The following GALNT17 variants were observed in gnomAD, a reference collection of about 807,000 sequenced individuals.
GALNT17 encodes polypeptide N-acetylgalactosaminyltransferase 17, also known as UDP-GalNAc:polypeptide N-acetylgalactosaminyltransferase-like 3.
A neutral mutation model predicts 63.7 loss-of-function variants in GALNT17; 29 were observed. The observed-to-expected ratio is 0.46, with a 90% CI of 0.34 to 0.62. GALNT17 has a LOEUF of 0.62. Among genes scored for constraint, GALNT17 ranks in the 20% least tolerant of loss-of-function variants. The pLI is 0.01. For synonymous variants in GALNT17, 305 were observed against 318.3 expected (o/e 0.96, Z 0.45); for missense variants, 603 against 799.6 (o/e 0.75, Z 2.97).
intron 9 of GALNT17, among the ~76,000 whole-genome samples, chr7:71,678,794 C>A: frequency 7.3e-6 from 1 of 136,104 alleles, no homozygotes. Context: ...GACTCTGTCT[C>A]AAAAAAAAAA....
intron 6 of GALNT17, among the ~76,000 whole-genome samples, chr7:71,612,363 A>T (rs1462841831): frequency 2.0e-5 from 3 of 152,216 alleles, no homozygotes; most frequent in African/African-American, 7.2e-5. Flanking sequence ...TAGACACTAA[A>T]TATTTGTCAT....
chr7:71,424,919 A>G (rs1361769265), intron 5 of GALNT17, among the ~76,000 whole-genome samples: 5 of 152,226 alleles, frequency 3.3e-5, no homozygotes, highest in African/African-American at 1.2e-4. Context: ...GCAACATAAT[A>G]TAGGAGATTT....
At chr7:71,600,763 CTTT>C (rs71089964) in intron 6 of GALNT17, among the ~76,000 whole-genome samples, 1 of 151,412 alleles carries the variant, frequency 6.6e-6, no homozygotes, top group Non-Finnish European at 1.5e-5. Flanking sequence ...TTTTTTCACT[CTTT>C]TTTTTATTTT....
At chr7:71,252,462 C>T (rs1217588483) in intron 1 of GALNT17, among the ~76,000 whole-genome samples, 2 of 152,094 alleles carry the variant, frequency 1.3e-5, no homozygotes, top group African/African-American at 4.8e-5. Context: ...GAGGCGGAGG[C>T]TGCAGTGAGC....
At chr7:71,384,046 C>T (rs192687370) in intron 2 of GALNT17, among the ~76,000 whole-genome samples, 1 of 152,354 alleles carries the variant, frequency 6.6e-6, no homozygotes, top group East Asian at 1.9e-4. Context: ...ACATCCTCCC[C>T]TTCCATCAAC....
intron 6 of GALNT17, among the ~76,000 whole-genome samples, chr7:71,630,370 G>T (rs1790437877): frequency 6.6e-6 from 1 of 152,202 alleles, no homozygotes. Flanking sequence ...CAGTCTGGAT[G>T]AAGGTCTCAG....
intron 1 of GALNT17, among the ~76,000 whole-genome samples, chr7:71,227,458 C>T (rs923541393): frequency 1.3e-5 from 2 of 152,076 alleles, no homozygotes; most frequent in African/African-American, 2.4e-5. Context: ...TCCCAGTTCT[C>T]TGGAGGCCAG....
rs992157293 is a variant in GALNT17, at chr7:71,393,881, G to A, written c.589+5480G>A. The stretch of plus-strand genomic sequence containing the variant: ...GAAATCACTGCTCACCAAGTCCAGC[G>A]AGCATTTTGCTGCCCAGATCTTTTG... On this transcript the variant is annotated intron_variant, in intron 3 of 10. Transcript: ENST00000333538. 9.9e-5 allele frequency among the ~76,000 whole-genome samples: 15 copies of A among 152,088 alleles called. No individual in the cohort carries two copies. The East Asian group carries it at 1.5e-3, about 16-fold the overall frequency.
chr7:71,394,522 G>A (rs1793104497), intron 3 of GALNT17, among the ~76,000 whole-genome samples: 1 of 152,126 alleles, frequency 6.6e-6, no homozygotes, highest in Admixed American at 6.6e-5. Context: ...TTTCCCATTG[G>A]AATTGTCCAA....
Position 71,654,396 on chromosome 7 carries a change from C to A in GALNT17, c.1081-11015C>A, listed in dbSNP as rs371557823. Among the ~76,000 whole-genome samples the A allele has an allele frequency of 7.8e-4, 119 of 152,230 alleles. 1 individual carries two copies. The highest frequency in any genetic ancestry group is 2.7e-3 in the African/African-American group (114 of 41,534). On this transcript the variant is annotated intron_variant, in intron 6 of 10. Transcript: ENST00000333538. ...GTTGGACTCAAGAAGCAACTGAGGA[C>A]GGCAGATAATCTGGGCACCAGCAAG...
chr7:71,184,786 C>T (rs1051408053), intron 1 of GALNT17, among the ~76,000 whole-genome samples: 1 of 152,156 alleles, frequency 6.6e-6, no homozygotes, highest in Non-Finnish European at 1.5e-5. Context: ...AGCTGGAATT[C>T]TAAATTGACT....
At chr7:71,675,903 G>A (rs1046550370) in intron 8 of GALNT17, among the ~76,000 whole-genome samples, 2 of 152,034 alleles carry the variant, frequency 1.3e-5, no homozygotes, top group East Asian at 1.9e-4. Context: ...CAGGAGTATC[G>A]CTTGAACCCA....
chr7:71,272,571 A>G (rs1790612850), intron 1 of GALNT17, among the ~76,000 whole-genome samples: 1 of 152,268 alleles, frequency 6.6e-6, no homozygotes, highest in East Asian at 1.9e-4. Flanking sequence ...AAGGGCAGGA[A>G]TGTCTTGGGG....
intron 1 of GALNT17, among the ~76,000 whole-genome samples, chr7:71,297,151 A>G (rs369991749): frequency 6.6e-6 from 1 of 152,180 alleles, no homozygotes; most frequent in Non-Finnish European, 1.5e-5. Context: ...TCTTTTCCAC[A>G]TGGGAGCTCT....
intron 1 of GALNT17, among the ~76,000 whole-genome samples, chr7:71,170,864 A>C: frequency 6.6e-6 from 1 of 152,222 alleles, no homozygotes; most frequent in East Asian, 1.9e-4. Context: ...TTGATTAAAC[A>C]AATGCCATTT....
intron 2 of GALNT17, among the ~76,000 whole-genome samples, chr7:71,338,213 G>A (rs1791945939): frequency 6.6e-6 from 1 of 151,948 alleles, no homozygotes; most frequent in Non-Finnish European, 1.5e-5. Context: ...TGTAGTCCCA[G>A]CTACTCAGGA....
chr7:71,450,031 G>A (rs891241154), intron 5 of GALNT17, among the ~76,000 whole-genome samples: 28 of 92,340 alleles, frequency 3.0e-4, no homozygotes, highest in Middle Eastern at 5.1e-3. Context: ...AACAAAGAGC[G>A]AAACTCCCTC....
At chr7:71,357,014 G>A (rs1792299169) in intron 2 of GALNT17, among the ~76,000 whole-genome samples, 5 of 152,070 alleles carry the variant, frequency 3.3e-5, no homozygotes, top group Admixed American at 1.3e-4. Flanking sequence ...ACTCCTGACC[G>A]ACCTCAGGTG....
At chr7:71,241,143 T>C (rs181994092) in intron 1 of GALNT17, among the ~76,000 whole-genome samples, 132 of 152,332 alleles carry the variant, frequency 8.7e-4, no homozygotes, top group Admixed American at 8.2e-3. Context: ...GCCATCATAC[T>C]TGGAATATTC....
Sources: allele counts gnomAD v4.1 joint callset (sites outside exome capture counted in the v4.1 genomes callset), GRCh38; gene constraint gnomAD v4.1.1; transcripts MANE v1.5; gene names NCBI Gene and HGNC (gene_info 2026-07-23, HGNC 2026-07-21).